Variants in ST8SIA2 observed in about 807,000 individuals in gnomAD.
The protein encoded by ST8SIA2 is ST8 alpha-N-acetyl-neuraminide alpha-2,8-sialyltransferase 2.
A neutral mutation model predicts 37.6 loss-of-function variants in ST8SIA2; 22 were observed. That is an observed-to-expected ratio of 0.58 (90% CI 0.42 to 0.83). ST8SIA2 has a LOEUF of 0.83. Ranked by LOEUF, ST8SIA2 falls within the 40% of genes least tolerant of loss-of-function variation. The pLI is 0.00. For missense variants in ST8SIA2, 382 were observed against 484.7 expected, an observed-to-expected ratio of 0.79 and a Z score of 1.99; for synonymous variants, 205 against 201.2, an observed-to-expected ratio of 1.02 and a Z score of -0.16.
intron 5 of ST8SIA2, 48 bp from the exon 6 acceptor site, chr15:92,464,052 C>T (rs890763273): frequency 2.0e-6 from 3 of 1,517,650 alleles, no homozygotes; most frequent in African/African-American, 2.8e-5. Flanking sequence ...AAGGATGACT[C>T]ACAGACCCAT....
Position 92,430,041 on chromosome 15 carries a change from T to A in ST8SIA2, c.99-8T>A. ...GTTTATAAATAATGCATTTCCTTTGTCTTGCAGGAATTCGGGAGGCAGAGG... is the reference window on the plus strand; with the variant it reads ...GTTTATAAATAATGCATTTCCTTTGACTTGCAGGAATTCGGGAGGCAGAGG... On this transcript the variant is annotated splice_region_variant and splice_polypyrimidine_tract_variant and intron_variant, in intron 1 of 5. Transcript: ENST00000268164. 6.2e-7 allele frequency: 1 copy of A among 1,614,152 alleles called. No individual in the cohort carries two copies. Among genetic ancestry groups the A allele is most frequent in the Non-Finnish European group, 8.5e-7 (1 of 1,180,002 alleles).
intron 1 of ST8SIA2, among the ~76,000 whole-genome samples, chr15:92,419,556 G>C (rs2049615938): frequency 1.3e-5 from 2 of 152,172 alleles, no homozygotes; most frequent in Non-Finnish European, 2.9e-5. Flanking sequence ...CGAACGCATA[G>C]AGATAATGGT....
At chr15:92,459,585 G>A (rs1345733308) in intron 5 of ST8SIA2, among the ~76,000 whole-genome samples, 1 of 152,166 alleles carries the variant, frequency 6.6e-6, no homozygotes, top group Non-Finnish European at 1.5e-5. Flanking sequence ...CACCCAGTAA[G>A]GCCTCACATG....
At chr15:92,408,220 C>T (rs1237512645) in intron 1 of ST8SIA2, among the ~76,000 whole-genome samples, 1 of 150,560 alleles carries the variant, frequency 6.6e-6, no homozygotes, top group Admixed American at 6.6e-5. Flanking sequence ...AGAGGGTGGT[C>T]CCACCGAGAG....
In ST8SIA2 at chr15:92,438,279, G is replaced by A. The variant is rs2049774209; in HGVS notation, c.291-74G>A. 5 of 1,612,156 alleles carry A rather than the reference G, an allele frequency of 3.1e-6. No homozygotes were observed. The South Asian group carries it at 3.3e-5, about 11-fold the overall frequency. The stretch of plus-strand genomic sequence containing the variant: ...GCAGCCACCGTGCAGGGCGACCCTG[G>A]ATAGGAAAAGCTGGGCTGGCAAAGG... On this transcript the variant is annotated intron_variant, in intron 3 of 5. Transcript: ENST00000268164.
intron 4 of ST8SIA2, among the ~76,000 whole-genome samples, chr15:92,439,230 G>T (rs1171065938): frequency 6.6e-6 from 1 of 152,212 alleles, no homozygotes; most frequent in Non-Finnish European, 1.5e-5. Context: ...AAGTGTCTTG[G>T]GAGGGGGTGC....
At chr15:92,439,419 AC>A (rs1332774390) in intron 4 of ST8SIA2, among the ~76,000 whole-genome samples, 1 of 151,976 alleles carries the variant, frequency 6.6e-6, no homozygotes, top group Admixed American at 6.5e-5. Context: ...CCAACCCACT[AC>A]AGTCATGGAA....
chr15:92,423,350 A>G (rs2049650718), intron 1 of ST8SIA2, among the ~76,000 whole-genome samples: 1 of 152,218 alleles, frequency 6.6e-6, no homozygotes, highest in African/African-American at 2.4e-5. Flanking sequence ...AAACCTGGGA[A>G]GTGGAGGGTG....
At chr15:92,424,616 CT>C (rs1194844376) in intron 1 of ST8SIA2, among the ~76,000 whole-genome samples, 4,620 of 140,850 alleles carry the variant, frequency 0.033, 163 homozygotes, top group African/African-American at 0.1. Context: ...GTTTGACATT[CT>C]TTTTTTTTTT....
At chr15:92,461,662 G>C (rs1310822160) in intron 5 of ST8SIA2, among the ~76,000 whole-genome samples, 8 of 152,236 alleles carry the variant, frequency 5.3e-5, no homozygotes, top group African/African-American at 1.9e-4. Context: ...CTTCTGGGGA[G>C]GGTGCAAGTG....
At chr15:92,418,882 G>A (rs1021620208) in intron 1 of ST8SIA2, among the ~76,000 whole-genome samples, 2 of 152,150 alleles carry the variant, frequency 1.3e-5, no homozygotes, top group African/African-American at 4.8e-5. Flanking sequence ...GTGTTGTGAG[G>A]GGATGACGTA....
At chr15:92,442,189 C>A (rs1198942648) in intron 4 of ST8SIA2, among the ~76,000 whole-genome samples, 1 of 152,222 alleles carries the variant, frequency 6.6e-6, no homozygotes, top group African/African-American at 2.4e-5. Flanking sequence ...AGCATCCTCA[C>A]TGAGGCACAG....
chr15:92,401,651 G>A (rs1389905660), intron 1 of ST8SIA2, among the ~76,000 whole-genome samples: 1 of 152,080 alleles, frequency 6.6e-6, no homozygotes, highest in Non-Finnish European at 1.5e-5. Context: ...CTGTGTGGGT[G>A]TGCCTTTGAC....
intron 2 of ST8SIA2, among the ~76,000 whole-genome samples, chr15:92,432,876 A>T (rs2141829881): frequency 6.6e-6 from 1 of 152,302 alleles, no homozygotes; most frequent in East Asian, 1.9e-4. Flanking sequence ...TCATGCCTGT[A>T]ATCTCAGCAC....
chr15:92,403,190 C>T (rs893562841), intron 1 of ST8SIA2, among the ~76,000 whole-genome samples: 7 of 152,190 alleles, frequency 4.6e-5, no homozygotes, highest in Admixed American at 2.0e-4. Flanking sequence ...AATGGAGACT[C>T]AGAGAGGTCT....
chr15:92,408,733 TCTCA>T (rs2049527643), intron 1 of ST8SIA2, among the ~76,000 whole-genome samples: 1 of 150,514 alleles, frequency 6.6e-6, no homozygotes, highest in African/African-American at 2.4e-5. Context: ...TGAGATGGAG[TCTCA>T]CTCTGTCGCC....
At chr15:92,396,296 G>A (rs886240693) in intron 1 of ST8SIA2, among the ~76,000 whole-genome samples, 1 of 152,114 alleles carries the variant, frequency 6.6e-6, no homozygotes, top group African/African-American at 2.4e-5. Context: ...GACTGGGATG[G>A]GCACTCTTGC....
At chr15:92,438,702 AGAGGC>A (rs2049778936) in intron 4 of ST8SIA2, 92 bp downstream of exon 4, 1 of 1,455,760 alleles carries the variant, frequency 6.9e-7, no homozygotes, top group African/African-American at 1.4e-5. Context: ...GATTGAAACA[AGAGGC>A]CCTGGTGGAG....
chr15:92,394,204 G>A (rs146087367), intron 1 of ST8SIA2, 42 bp downstream of exon 1: 163 of 1,496,842 alleles, frequency 1.1e-4, no homozygotes, highest in Non-Finnish European at 1.4e-4. Context: ...GCCCTGGCGG[G>A]ATCTCTCCCT....
Sources: allele counts gnomAD v4.1 joint callset (sites outside exome capture counted in the v4.1 genomes callset), GRCh38; gene constraint gnomAD v4.1.1; transcripts MANE v1.5; gene names NCBI Gene and HGNC (gene_info 2026-07-23, HGNC 2026-07-21).